Variants in CNBD1 observed in about 807,000 individuals in gnomAD.
The protein encoded by CNBD1 is cyclic nucleotide-binding domain-containing protein 1.
In CNBD1, 71 loss-of-function variants were observed where a neutral mutation model predicts 54.4. That is an observed-to-expected ratio of 1.30 (90% CI 1.08 to 1.59). CNBD1 has a LOEUF of 1.59. Ranked by LOEUF, CNBD1 falls within the 40% of genes most tolerant of loss-of-function variation. The pLI, the probability that CNBD1 is intolerant of heterozygous loss-of-function variation, is 0.00. For missense variants in CNBD1, 659 were observed against 518.0 expected, an observed-to-expected ratio of 1.27 and a Z score of -2.64; for synonymous variants, 182 against 170.7, an observed-to-expected ratio of 1.07 and a Z score of -0.51.
intron 2 of CNBD1, among the ~76,000 whole-genome samples, chr8:87,409,938 G>T (rs1000138114): frequency 6.6e-6 from 1 of 151,878 alleles, no homozygotes; most frequent in South Asian, 2.1e-4. Flanking sequence ...CAGGAGAATC[G>T]CTTGAACCCA....
At chr8:87,011,181 T>G (rs1264493523) in intron 4 of CNBD1, among the ~76,000 whole-genome samples, 1 of 78,324 alleles carries the variant, frequency 1.3e-5, no homozygotes, top group South Asian at 3.3e-4. Context: ...TAGAGTTTGG[T>G]TTTTTTTTTT....
chr8:86,986,857 C>G (rs1271235245), intron 4 of CNBD1, among the ~76,000 whole-genome samples: 1 of 152,058 alleles, frequency 6.6e-6, no homozygotes, highest in Non-Finnish European at 1.5e-5. Context: ...CTATTCTGTT[C>G]CATTGGTTGA....
chr8:87,025,080 G>A (rs1366731444), intron 4 of CNBD1, among the ~76,000 whole-genome samples: 2 of 152,084 alleles, frequency 1.3e-5, no homozygotes, highest in Admixed American at 1.3e-4. Context: ...TGGGTAGGGT[G>A]GGGACTTGGA....
intron 3 of CNBD1, among the ~76,000 whole-genome samples, chr8:86,908,498 CAA>C (rs949081948): frequency 4.6e-5 from 7 of 152,102 alleles, no homozygotes; most frequent in Admixed American, 2.0e-4. Flanking sequence ...AAAGGGCAGA[CAA>C]TATTAATCCC....
chr8:86,948,697 C>T (rs977648605), intron 4 of CNBD1, among the ~76,000 whole-genome samples: 1 of 152,086 alleles, frequency 6.6e-6, no homozygotes. Context: ...ATATTTTCCC[C>T]CATTCTGTTG....
intron 6 of CNBD1, among the ~76,000 whole-genome samples, chr8:87,270,425 G>A (rs767502516): frequency 7.9e-5 from 12 of 151,694 alleles, no homozygotes; most frequent in East Asian, 3.9e-4. Flanking sequence ...ACCATCTCAC[G>A]CCAGTCAGAA....
At chr8:87,154,543 A>G (rs577770027) in intron 4 of CNBD1, among the ~76,000 whole-genome samples, 1 of 152,290 alleles carries the variant, frequency 6.6e-6, no homozygotes, top group East Asian at 1.9e-4. Flanking sequence ...GGATCTGGAG[A>G]CACTCTGTGT....
intron 4 of CNBD1, among the ~76,000 whole-genome samples, chr8:87,200,285 G>C (rs751070870): frequency 1.3e-5 from 2 of 152,062 alleles, no homozygotes; most frequent in East Asian, 1.9e-4. Flanking sequence ...AACACAAAAA[G>C]CTCCATACCT....
intron 1 of CNBD1, among the ~76,000 whole-genome samples, chr8:86,886,903 A>G (rs1464131315): frequency 1.3e-5 from 2 of 152,132 alleles, no homozygotes; most frequent in African/African-American, 2.4e-5. Flanking sequence ...CTTTCCATCT[A>G]ATTTGAAGGA....
In CNBD1 at chr8:86,966,354, C is replaced by T. The variant is rs569069367; in HGVS notation, c.431+26600C>T. 1.6e-4 allele frequency among the ~76,000 whole-genome samples: 25 copies of T among 152,310 alleles called. 1 individual carries two copies. In the East Asian group the frequency reaches 1.9e-3, roughly 12 times the overall value. On this transcript the variant is annotated intron_variant, in intron 4 of 10. Coordinates refer to ENST00000518476, the MANE Select transcript of CNBD1 (RefSeq NM_173538.3). The stretch of plus-strand genomic sequence containing the variant: ...TGGTGTGTCCGGAATTGGTTGCTTC[C>T]GGTCGGTTCTTGGTCTCACTGACTT...
intron 2 of CNBD1, among the ~76,000 whole-genome samples, chr8:87,391,065 G>T (rs141922132): frequency 0.019 from 2,844 of 151,450 alleles, 93 homozygotes; most frequent in African/African-American, 0.062. Flanking sequence ...CACAGGAAGG[G>T]GAACATCACA....
intron 4 of CNBD1, among the ~76,000 whole-genome samples, chr8:87,047,320 GGTT>G (rs1232095937): frequency 6.6e-6 from 1 of 152,124 alleles, no homozygotes; most frequent in Non-Finnish European, 1.5e-5. Context: ...AGTTCTTGAT[GGTT>G]AAGGGCAAAG....
intron 4 of CNBD1, among the ~76,000 whole-genome samples, chr8:86,974,509 T>C (rs1808297247): frequency 6.6e-6 from 1 of 152,078 alleles, no homozygotes; most frequent in Admixed American, 6.6e-5. Context: ...TAAATTGCTA[T>C]TCACAATAGA....
chr8:87,064,401 A>G (rs1175556499), intron 4 of CNBD1, among the ~76,000 whole-genome samples: 3 of 151,960 alleles, frequency 2.0e-5, no homozygotes, highest in Non-Finnish European at 4.4e-5. Flanking sequence ...TTCTCAATTT[A>G]TCAAAGTATA....
At chr8:87,320,113 A>G (rs1235302682) in intron 8 of CNBD1, among the ~76,000 whole-genome samples, 2 of 152,126 alleles carry the variant, frequency 1.3e-5, no homozygotes, top group African/African-American at 2.4e-5. Flanking sequence ...ACATTGTGAT[A>G]GATGTTCTTT....
At chr8:87,312,237 T>C (rs1806647728) in intron 8 of CNBD1, among the ~76,000 whole-genome samples, 1 of 152,122 alleles carries the variant, frequency 6.6e-6, no homozygotes, top group African/African-American at 2.4e-5. Flanking sequence ...TGACATAATC[T>C]ATTTTTAACA....
chr8:87,050,027 A>T (rs145810535), intron 4 of CNBD1, among the ~76,000 whole-genome samples: 4 of 152,128 alleles, frequency 2.6e-5, no homozygotes, highest in Admixed American at 1.3e-4. Context: ...CTATGGGAAG[A>T]CTAAGGGCCA....
chr8:86,923,965 A>G (rs1809317750), intron 3 of CNBD1, among the ~76,000 whole-genome samples: 1 of 152,180 alleles, frequency 6.6e-6, no homozygotes, highest in Non-Finnish European at 1.5e-5. Context: ...ACCATATGCA[A>G]TGAAGGGAGA....
At chr8:87,097,814 T>A (rs1393018406) in intron 4 of CNBD1, among the ~76,000 whole-genome samples, 2 of 152,306 alleles carry the variant, frequency 1.3e-5, no homozygotes, top group South Asian at 4.1e-4. Flanking sequence ...CTAAGGAGAT[T>A]TGCACTCTTG....
Sources: gnomAD v4.1 joint callset for allele counts (sites outside exome capture counted in the v4.1 genomes callset) on GRCh38, gnomAD v4.1.1 for gene constraint, MANE v1.5 for transcripts, NCBI Gene and HGNC (gene_info 2026-07-23, HGNC 2026-07-21) for gene names.